Variants in NFIA observed in about 807,000 individuals in gnomAD.
NFIA encodes the protein nuclear factor 1 A-type.
In NFIA, 8 loss-of-function variants were observed where a neutral mutation model predicts 62.8. That is an observed-to-expected ratio of 0.13 (90% CI 0.07 to 0.23). NFIA has a LOEUF of 0.23. NFIA is among the 10% of genes least tolerant of loss of function. NFIA has a pLI of 1.00. For missense variants in NFIA, 410 were observed against 642.1 expected (o/e 0.64, Z 3.91); for synonymous variants, 235 against 238.1 (o/e 0.99, Z 0.12).
At chr1:61,351,405 T>C (rs1013229740) in intron 4 of NFIA, among the ~76,000 whole-genome samples, 3 of 152,200 alleles carry the variant, frequency 2.0e-5, no homozygotes, top group Non-Finnish European at 4.4e-5. Flanking sequence ...TTGTTATTTC[T>C]TCTGATGGAT....
At chr1:61,334,204 A>G (rs947103103) in intron 4 of NFIA, among the ~76,000 whole-genome samples, 4 of 152,064 alleles carry the variant, frequency 2.6e-5, no homozygotes, top group Non-Finnish European at 4.4e-5. Flanking sequence ...GAGGTATTCC[A>G]GTGTAGAAGA....
intron 3 of NFIA, among the ~76,000 whole-genome samples, chr1:61,289,572 G>A (rs542902220): frequency 1.3e-5 from 2 of 152,284 alleles, no homozygotes; most frequent in South Asian, 2.1e-4. Flanking sequence ...GTTCTATAAT[G>A]TATTGATTGT....
chr1:61,291,524 G>C (rs1012279964), intron 3 of NFIA, among the ~76,000 whole-genome samples: 8 of 152,146 alleles, frequency 5.3e-5, no homozygotes, highest in East Asian at 1.9e-4. Flanking sequence ...ACTTTAGATT[G>C]TTTGAATATG....
At chr1:61,401,303 G>A (rs1235861217) in intron 7 of NFIA, among the ~76,000 whole-genome samples, 1 of 152,096 alleles carries the variant, frequency 6.6e-6, no homozygotes, top group Non-Finnish European at 1.5e-5. Flanking sequence ...ATTCCATATA[G>A]TACCATATGT....
intron 2 of NFIA, among the ~76,000 whole-genome samples, chr1:61,268,939 C>A (rs1336212916): frequency 6.6e-6 from 1 of 152,136 alleles, no homozygotes; most frequent in African/African-American, 2.4e-5. Context: ...TCTCCACCCC[C>A]ACCGTCCCCT....
chr1:61,082,670 C>A lies in NFIA; in HGVS notation c.-122C>A. Reference sequence around the variant, plus strand: ...GCAGGCTTGATTTTTTTTTCTCCCCCCTTCTCTCTCTCTCTCTCTCTCTCT... The same window carrying A: ...GCAGGCTTGATTTTTTTTTCTCCCCACTTCTCTCTCTCTCTCTCTCTCTCT... On this transcript the variant is annotated 5_prime_UTR_variant, in exon 1 of 11. Transcript: ENST00000403491. The A allele has an allele frequency of 1.3e-6, 2 of 1,519,150 alleles. No individual in the cohort carries two copies. Among genetic ancestry groups the A allele is most frequent in the Admixed American group, 4.5e-5 (2 of 44,518 alleles). 94.1% of individuals were successfully genotyped at this position (1,519,150 alleles called of 1,614,324 possible).
chr1:61,426,125 A>G (rs1666855329), intron 9 of NFIA, among the ~76,000 whole-genome samples: 1 of 152,186 alleles, frequency 6.6e-6, no homozygotes, highest in Non-Finnish European at 1.5e-5. Context: ...TGCTCTAAAG[A>G]ATAGGATATC....
intron 3 of NFIA, among the ~76,000 whole-genome samples, chr1:61,306,861 A>C (rs1285687907): frequency 6.6e-6 from 1 of 152,158 alleles, no homozygotes; most frequent in African/African-American, 2.4e-5. Context: ...GGGTACGGAA[A>C]ACTCTTATGC....
At chr1:61,251,362 TC>T (rs1656027026) in intron 2 of NFIA, 2 of 152,346 alleles carry the variant, frequency 1.3e-5, no homozygotes, top group East Asian at 3.9e-4. Context: ...GCTGTCTGTT[TC>T]CTCACCCTGA....
intron 6 of NFIA, among the ~76,000 whole-genome samples, chr1:61,362,050 G>A (rs1262519717): frequency 1.3e-5 from 2 of 152,106 alleles, no homozygotes; most frequent in Admixed American, 6.5e-5. Context: ...ACTGAAGGAT[G>A]TTGCACATGT....
chr1:61,156,786 G>A (rs1648846532), intron 2 of NFIA, among the ~76,000 whole-genome samples: 1 of 152,216 alleles, frequency 6.6e-6, no homozygotes, highest in Non-Finnish European at 1.5e-5. Flanking sequence ...TAAATCAGAT[G>A]TTGAAGAAAG....
chr1:61,437,618 G>A (rs371282925), intron 10 of NFIA, among the ~76,000 whole-genome samples: 8 of 152,196 alleles, frequency 5.3e-5, no homozygotes, highest in African/African-American at 1.9e-4. Context: ...AGAAAGAAAA[G>A]TAAATAAACT....
chr1:61,188,171 G>C (rs11207707), intron 2 of NFIA, among the ~76,000 whole-genome samples: 20,267 of 151,850 alleles, frequency 0.13, 1,831 homozygotes, highest in East Asian at 0.28. Context: ...CCTCAGCCCC[G>C]GAGTAACTGG....
intron 4 of NFIA, among the ~76,000 whole-genome samples, chr1:61,339,846 C>A (rs1661806401): frequency 6.6e-6 from 1 of 152,120 alleles, no homozygotes; most frequent in South Asian, 2.1e-4. Flanking sequence ...TGAGAGTATC[C>A]CCACCCTTAG....
At chr1:61,277,963 A>G (rs17356470) in intron 3 of NFIA, among the ~76,000 whole-genome samples, 137 of 152,212 alleles carry the variant, frequency 9.0e-4, no homozygotes, top group Admixed American at 2.6e-3. Flanking sequence ...CAAATGCCCC[A>G]TGATCATCTT....
In NFIA at chr1:61,456,430, T is replaced by C. The variant is rs1403438274; in HGVS notation, c.*1110T>C. 2 of 151,802 alleles carry C rather than the reference T, an allele frequency of 1.3e-5. No individual in the cohort carries two copies. The highest frequency in any genetic ancestry group is 2.9e-5 in the Non-Finnish European group (2 of 67,842). 9.4% of individuals were successfully genotyped at this position (151,802 alleles called of 1,614,324 possible). A position where few individuals can be genotyped will look rare whatever the true frequency, so the allele number is the denominator to read the frequency against. The stretch of plus-strand genomic sequence containing the variant: ...GGTGCTTTTACCACAATATGTTAAC[T>C]ACATTAAATGCTAATTAATTATTTT... On this transcript the variant is annotated 3_prime_UTR_variant, in exon 11 of 11. Transcript: ENST00000403491.
Position 61,143,562 on chromosome 1 carries a change from G to A in NFIA, c.559+54882G>A, listed in dbSNP as rs142961795. 1.7e-4 allele frequency among the ~76,000 whole-genome samples: 26 copies of A among 152,112 alleles called. No individual in the cohort carries two copies. The East Asian group carries it at 4.7e-3, about 27-fold the overall frequency. Reference sequence around the variant, plus strand: ...CTGCCACCACACCTGGTTAATTTTTGTATTTTTTTGTACAGATGGGGTTTC... The same window carrying A: ...CTGCCACCACACCTGGTTAATTTTTATATTTTTTTGTACAGATGGGGTTTC... On this transcript the variant is annotated intron_variant, in intron 2 of 10. Transcript: ENST00000403491.
intron 2 of NFIA, among the ~76,000 whole-genome samples, chr1:61,183,904 A>G (rs1235437380): frequency 6.6e-6 from 1 of 152,038 alleles, no homozygotes; most frequent in African/African-American, 2.4e-5. Context: ...ACACGTGCGC[A>G]AACTTGGGAT....
chr1:61,129,157 C>G (rs1048718329), intron 2 of NFIA, among the ~76,000 whole-genome samples: 1 of 151,832 alleles, frequency 6.6e-6, no homozygotes, highest in African/African-American at 2.4e-5. Flanking sequence ...CTCCTGACCT[C>G]GTGATCCGTT....
Sources: allele counts gnomAD v4.1 joint callset (sites outside exome capture counted in the v4.1 genomes callset), GRCh38; gene constraint gnomAD v4.1.1; transcripts MANE v1.5; gene names NCBI Gene and HGNC (gene_info 2026-07-23, HGNC 2026-07-21).